CDH12: variants seen among roughly 807,000 people sequenced by gnomAD.
The protein encoded by CDH12 is cadherin-12.
A neutral mutation model predicts 74.1 loss-of-function variants in CDH12; 41 were observed. The observed-to-expected ratio is 0.55, with a 90% CI of 0.43 to 0.72. CDH12 has a LOEUF of 0.72. Ranked by LOEUF, CDH12 falls within the 30% of genes least tolerant of loss-of-function variation. CDH12 has a pLI of 0.00. For missense variants in CDH12, 945 were observed against 977.2 expected, an observed-to-expected ratio of 0.97 and a Z score of 0.44; for synonymous variants, 399 against 355.0, an observed-to-expected ratio of 1.12 and a Z score of -1.39.
At chr5:22,674,708 G>A (rs1741076996) in intron 1 of CDH12, among the ~76,000 whole-genome samples, 1 of 152,184 alleles carries the variant, frequency 6.6e-6, no homozygotes, top group African/African-American at 2.4e-5. Context: ...TGGACAAAGA[G>A]TTCCAGGCTG....
chr5:21,844,922 T>C (rs1311750300), intron 7 of CDH12, among the ~76,000 whole-genome samples: 1 of 152,102 alleles, frequency 6.6e-6, no homozygotes, highest in Non-Finnish European at 1.5e-5. Context: ...TCTTCAATAA[T>C]TCCAAACTCT....
chr5:22,149,275 G>A lies in CDH12; in HGVS notation c.-187+63223C>T, dbSNP rs191293709. Among the ~76,000 whole-genome samples, 555 of 152,230 alleles carry A rather than the reference G, an allele frequency of 3.6e-3. 3 individuals carry two copies. Among genetic ancestry groups the A allele is most frequent in the African/African-American group, 0.012 (512 of 41,530 alleles). The stretch of plus-strand genomic sequence containing the variant: ...TTAGAATGTGAACATATATTCTTGA[G>A]GGACACAAGTCTACCCACTAAAATG... On this transcript the variant is annotated intron_variant, in intron 4 of 14. Coordinates refer to ENST00000382254, the MANE Select transcript of CDH12 (RefSeq NM_004061.5).
chr5:21,823,971 A>G (rs746563565), intron 8 of CDH12, among the ~76,000 whole-genome samples: 4 of 152,048 alleles, frequency 2.6e-5, no homozygotes, highest in Non-Finnish European at 5.9e-5. Context: ...TGAGTAAATG[A>G]TGTTTCTTCT....
At chr5:21,907,479 G>T (rs1753690701) in intron 6 of CDH12, among the ~76,000 whole-genome samples, 2 of 152,178 alleles carry the variant, frequency 1.3e-5, no homozygotes, top group Admixed American at 1.3e-4. Context: ...GTGGGCACAG[G>T]GATAATCTGT....
At chr5:22,244,257 A>G (rs1461636857) in intron 3 of CDH12, among the ~76,000 whole-genome samples, 2 of 152,106 alleles carry the variant, frequency 1.3e-5, no homozygotes, top group Non-Finnish European at 2.9e-5. Flanking sequence ...TGGGAGGCCA[A>G]GGTGGGTGGA....
intron 2 of CDH12, among the ~76,000 whole-genome samples, chr5:22,486,446 ATTTTT>A (rs5866568): frequency 7.6e-6 from 1 of 131,430 alleles, no homozygotes; most frequent in Admixed American, 8.2e-5. Flanking sequence ...GTAACTAGTA[ATTTTT>A]TTTTTTTTTT....
At chr5:22,734,680 G>T (rs149322176) in intron 1 of CDH12, among the ~76,000 whole-genome samples, 41 of 152,028 alleles carry the variant, frequency 2.7e-4, no homozygotes, top group Non-Finnish European at 5.3e-4. Context: ...CCATGAAAAA[G>T]AATGATTCTC....
In CDH12 at chr5:22,644,707, G is replaced by A. The variant is rs184692935; in HGVS notation, c.-522-139343C>T. Among the ~76,000 whole-genome samples the A allele has an allele frequency of 4.0e-4, 60 of 151,832 alleles. 1 individual carries two copies. Among genetic ancestry groups the A allele is most frequent in the Non-Finnish European group, 6.5e-4 (44 of 67,920 alleles). On this transcript the variant is annotated intron_variant, in intron 1 of 14. Coordinates refer to ENST00000382254, the MANE Select transcript of CDH12 (RefSeq NM_004061.5). ...ATGTAGATGAACTAGCCTGCTGGTG[G>A]AAGAAGATGCCTTTTAGGATTTTAA...
chr5:22,503,215 A>C (rs1356411767), intron 2 of CDH12, among the ~76,000 whole-genome samples: 1 of 152,142 alleles, frequency 6.6e-6, no homozygotes, highest in African/African-American at 2.4e-5. Context: ...ACTTAAGTAA[A>C]CATGAATATA....
chr5:22,343,043 C>T (rs577032738), intron 3 of CDH12, among the ~76,000 whole-genome samples: 14 of 151,710 alleles, frequency 9.2e-5, no homozygotes, highest in African/African-American at 3.1e-4. Flanking sequence ...TTAGTAGAGA[C>T]GGGGTTTCAC....
intron 1 of CDH12, among the ~76,000 whole-genome samples, chr5:22,522,358 C>G (rs1160632042): frequency 6.6e-6 from 1 of 152,162 alleles, no homozygotes; most frequent in Admixed American, 6.5e-5. Context: ...TTAAATTTGA[C>G]TCCAAAGCCC....
chr5:22,151,316 G>T (rs1443125864), intron 4 of CDH12, among the ~76,000 whole-genome samples: 1 of 152,116 alleles, frequency 6.6e-6, no homozygotes, highest in African/African-American at 2.4e-5. Flanking sequence ...TATTAAAAAA[G>T]TGTAATAAGC....
At chr5:22,413,122 T>C (rs1375334480) in intron 2 of CDH12, among the ~76,000 whole-genome samples, 1 of 151,988 alleles carries the variant, frequency 6.6e-6, no homozygotes, top group Admixed American at 6.6e-5. Flanking sequence ...TGTTTACTAC[T>C]CCTGTCCAGT....
chr5:22,404,663 C>T (rs529205378), intron 3 of CDH12, among the ~76,000 whole-genome samples: 4 of 152,188 alleles, frequency 2.6e-5, no homozygotes, highest in Non-Finnish European at 2.9e-5. Flanking sequence ...TTGTAAGCTA[C>T]AATACCTGTA....
At chr5:22,650,628 T>G (rs1336336228) in intron 1 of CDH12, among the ~76,000 whole-genome samples, 1 of 152,120 alleles carries the variant, frequency 6.6e-6, no homozygotes, top group African/African-American at 2.4e-5. Flanking sequence ...TGCACTGCAC[T>G]GTGTCTACCA....
chr5:22,739,482 C>T (rs886498599), intron 1 of CDH12, among the ~76,000 whole-genome samples: 1 of 151,792 alleles, frequency 6.6e-6, no homozygotes, highest in Non-Finnish European at 1.5e-5. Flanking sequence ...CTAAAATATT[C>T]CCAGTATTTC....
chr5:22,495,205 A>G (rs1253945626), intron 2 of CDH12, among the ~76,000 whole-genome samples: 4 of 152,162 alleles, frequency 2.6e-5, no homozygotes, highest in Non-Finnish European at 4.4e-5. Context: ...ACAACACAAA[A>G]AAATGGAATA....
chr5:22,266,106 G>A (rs143169276), intron 3 of CDH12, among the ~76,000 whole-genome samples: 3 of 148,406 alleles, frequency 2.0e-5, no homozygotes, highest in African/African-American at 2.5e-5. Flanking sequence ...GCAGAGTTTC[G>A]CTCTTGTCGC....
intron 14 of CDH12, among the ~76,000 whole-genome samples, chr5:21,755,102 T>C (rs1744311034): frequency 6.6e-6 from 1 of 152,194 alleles, no homozygotes; most frequent in Admixed American, 6.5e-5. Context: ...TTACTTTACA[T>C]TCTGTTTCTT....
Sources: allele counts gnomAD v4.1 joint callset (sites outside exome capture counted in the v4.1 genomes callset), GRCh38; gene constraint gnomAD v4.1.1; transcripts MANE v1.5; gene names NCBI Gene and HGNC (gene_info 2026-07-23, HGNC 2026-07-21).